PGM2L1: variants seen among roughly 807,000 people sequenced by gnomAD.
The protein encoded by PGM2L1 is glucose 1,6-bisphosphate synthase.
Under a neutral mutation model 73.4 loss-of-function variants are expected in PGM2L1, and 35 were observed. The ratio of observed to expected loss-of-function variants is 0.48; its 90% CI spans 0.36 to 0.63. The LOEUF is 0.63. PGM2L1 is among the 30% of genes least tolerant of loss of function. The pLI is 0.00. For missense variants in PGM2L1, 570 were observed against 742.0 expected (o/e 0.77, Z 2.69); for synonymous variants, 225 against 253.8 (o/e 0.89, Z 1.08).
At chr11:74,369,771 G>A (rs1335192139) in intron 4 of PGM2L1, among the ~76,000 whole-genome samples, 2 of 152,102 alleles carry the variant, frequency 1.3e-5, no homozygotes, top group Non-Finnish European at 2.9e-5. Context: ...TATTGACATG[G>A]AGTCTTGCTC....
At position 74,336,552 on chromosome 11, in the gene PGM2L1, A is replaced by C. The variant is rs192405699; in HGVS notation, c.*100T>G. The C allele has an allele frequency of 1.4e-3, 946 of 653,172 alleles. 9 individuals carry two copies. In the African/African-American group the frequency reaches 0.016, roughly 11 times the overall value. The allele number at this position is 653,172 out of a possible 1,614,324, so 40.5% of individuals were successfully genotyped here. A position where few individuals can be genotyped will look rare whatever the true frequency, so the allele number is the denominator to read the frequency against. On this transcript the variant is annotated 3_prime_UTR_variant, in exon 14 of 14. Transcript: ENST00000298198. ...TAAAAGGAAAAAGATACTCGGCCAG[A>C]TGAGATAGAGAGAGAATGCTAACAC... is the stretch of plus-strand genomic sequence containing the variant.
At position 74,342,586 on chromosome 11, in the gene PGM2L1, T is replaced by C. The variant is rs1037276072; in HGVS notation, c.1507A>G (p.Ile503Val). 1 of 1,606,394 alleles carries C rather than the reference T, an allele frequency of 6.2e-7. No individual in the cohort carries two copies. ...LCYEPPTIKS[I>V]FERLRNFDSP... ...TCAAAATTACGAAGCCTTTCAAATA[T>C]ACTTTTGATGGTAGGTGGTTCATAA... The change falls in exon 12 of 14, where the codon ATA becomes GTA. Residue 503 changes from isoleucine (I) to valine (V), a missense_variant. Physicochemically the swap from Ile to Val is conservative, Grantham distance 29 (BLOSUM62 3). Coordinates refer to ENST00000298198, the MANE Select transcript of PGM2L1 (RefSeq NM_173582.6).
intron 1 of PGM2L1, among the ~76,000 whole-genome samples, chr11:74,376,958 T>C (rs956342513): frequency 3.3e-5 from 5 of 152,182 alleles, no homozygotes; most frequent in African/African-American, 1.2e-4. Flanking sequence ...GTTGATGTTA[T>C]AAACTTTTAA....
rs1270276329 is a variant in PGM2L1, at chr11:74,347,199, T to G, written c.888A>C (p.Pro296=). 2.5e-6 allele frequency: 4 copies of G among 1,608,970 alleles called. No individual in the cohort carries two copies. The highest frequency in any genetic ancestry group is 2.5e-6 in the Non-Finnish European group (3 of 1,177,776). Residue 296 remains proline, a synonymous_variant, in exon 7 of 14, where the codon CCA becomes CCC. Transcript: ENST00000298198. ...TTGGACATTTAACGGTAGAAAAGTC[T>G]GGATCAGGATCTTTTTGTTCTGGTA... ...IPVPEQKDPD[P]DFSTVKCPNP...
chr11:74,338,457 T>C lies in PGM2L1; in HGVS notation c.1766+11A>G, dbSNP rs532851464. ...CTTTTGTATGTATATCTTAAAAAAA[T>C]CAATTCTTACCTCTGGTCAGGTGAC... is the stretch of plus-strand genomic sequence containing the variant. On this transcript the variant is annotated intron_variant, in intron 13 of 13. Coordinates refer to ENST00000298198, the MANE Select transcript of PGM2L1 (RefSeq NM_173582.6). 65 of 1,532,148 alleles carry C rather than the reference T, an allele frequency of 4.2e-5. No individual in the cohort carries two copies. The highest frequency in any genetic ancestry group is 2.7e-5 in the African/African-American group (2 of 73,644). 94.9% of individuals were successfully genotyped at this position (1,532,148 alleles called of 1,614,324 possible). A position where few individuals can be genotyped will look rare whatever the true frequency, so the allele number is the denominator to read the frequency against.
chr11:74,364,769 T>C (rs1203450426), intron 5 of PGM2L1, among the ~76,000 whole-genome samples: 25 of 152,230 alleles, frequency 1.6e-4, no homozygotes, highest in Non-Finnish European at 3.1e-4. Context: ...GAATCAATAT[T>C]GTGAAAATGG....
intron 13 of PGM2L1, among the ~76,000 whole-genome samples, chr11:74,337,974 C>T (rs561131048): frequency 2.6e-5 from 4 of 152,042 alleles, no homozygotes; most frequent in Non-Finnish European, 4.4e-5. Context: ...GTATTCAAAA[C>T]AGCCAAAGAG....
intron 5 of PGM2L1, among the ~76,000 whole-genome samples, chr11:74,358,954 G>C (rs371877195): frequency 6.6e-6 from 1 of 152,044 alleles, no homozygotes; most frequent in South Asian, 2.1e-4. Context: ...CTATAGATCA[G>C]CAGTGCCCAA....
rs779866073 is a variant in PGM2L1, at chr11:74,356,071, G to A, written c.556-4495C>T. ...TAAATGTCTTTTTTTTTTTTAATGTGCTGTGTAAAGTTAGTCTATGCTGAA... is the reference window on the plus strand; with the variant it reads ...TAAATGTCTTTTTTTTTTTTAATGTACTGTGTAAAGTTAGTCTATGCTGAA... On this transcript the variant is annotated intron_variant, in intron 5 of 13. Coordinates refer to ENST00000298198, the MANE Select transcript of PGM2L1 (RefSeq NM_173582.6). Among the ~76,000 whole-genome samples, 23 of 148,428 alleles carry A rather than the reference G, an allele frequency of 1.5e-4. 1 individual carries two copies. Among genetic ancestry groups the A allele is most frequent in the Non-Finnish European group, 3.0e-4 (20 of 67,452 alleles).
At chr11:74,380,464 T>C (rs189230840) in intron 1 of PGM2L1, among the ~76,000 whole-genome samples, 133 of 152,286 alleles carry the variant, frequency 8.7e-4, no homozygotes, top group African/African-American at 3.0e-3. Flanking sequence ...GATAAAAAAC[T>C]TGAATATAAA....
intron 5 of PGM2L1, chr11:74,354,733 C>A: frequency 9.5e-7 from 1 of 1,054,924 alleles, no homozygotes; most frequent in Non-Finnish European, 1.5e-6. Flanking sequence ...TTCTCAAACA[C>A]CAGGTGCCCA....
chr11:74,360,343 A>AC (rs1565439841), intron 5 of PGM2L1, among the ~76,000 whole-genome samples: 1 of 151,772 alleles, frequency 6.6e-6, no homozygotes, highest in African/African-American at 2.4e-5. Context: ...GAAAAAAAAA[A>AC]GGCAGGTAAG....
intron 11 of PGM2L1, 94 bp downstream of exon 11, chr11:74,342,791 G>A: frequency 7.1e-7 from 1 of 1,406,536 alleles, no homozygotes; most frequent in African/African-American, 1.4e-5. Flanking sequence ...TTTTAAAAAA[G>A]GATCAACTAT....
At chr11:74,359,250 A>G (rs1464165767) in intron 5 of PGM2L1, among the ~76,000 whole-genome samples, 3 of 152,000 alleles carry the variant, frequency 2.0e-5, no homozygotes, top group Admixed American at 6.6e-5. Context: ...AAACAGTGCC[A>G]CAATAAACAT....
chr11:74,357,102 G>T (rs566697629), intron 5 of PGM2L1, among the ~76,000 whole-genome samples: 312 of 152,252 alleles, frequency 2.0e-3, no homozygotes, highest in Non-Finnish European at 3.8e-3. Context: ...ACCCGCCTTG[G>T]TCTCCCAAAG....
rs757006692 is a variant in PGM2L1 at position 74,398,120 on chromosome 11, G to A, written c.42C>T (p.Leu14=). 6.2e-7 allele frequency: 1 copy of A among 1,613,330 alleles called. No individual in the cohort carries two copies. Among genetic ancestry groups the A allele is most frequent in the Non-Finnish European group, 8.5e-7 (1 of 1,179,546 alleles). ...GGTCCCCGGTGTGGTAGGGGGCGTG[G>A]AGCAGGTTGGAGTTCAGATCCCCCT... is the stretch of plus-strand genomic sequence containing the variant. ...NTEGDLNSNL[L]HAPYHTGDPQ... is the part of the protein sequence containing the mutation. The change falls in exon 1 of 14, where the codon CTC becomes CTT. Residue 14 remains leucine, a synonymous_variant. Coordinates refer to ENST00000298198, the MANE Select transcript of PGM2L1 (RefSeq NM_173582.6).
In PGM2L1 at chr11:74,347,278, T is replaced by G; in HGVS notation, c.809A>C (p.His270Pro). The G allele has an allele frequency of 6.2e-7, 1 of 1,611,842 alleles. No homozygotes were observed. Among genetic ancestry groups the G allele is most frequent in the Non-Finnish European group, 8.5e-7 (1 of 1,178,928 alleles). ...FVHTSFHGVG[H>P]DYVQLAFKVF... ...TTTAAAAGCCAACTGCACATAGTCA[T>G]GTCCGACCCCATGAAAAGATGTGTG... Residue 270 changes from histidine to proline, a missense_variant, in exon 7 of 14, where the codon CAT becomes CCT. Transcript: ENST00000298198.
At chr11:74,378,296 C>T (rs956045493) in intron 1 of PGM2L1, among the ~76,000 whole-genome samples, 6 of 151,044 alleles carry the variant, frequency 4.0e-5, no homozygotes, top group African/African-American at 7.3e-5. Flanking sequence ...AGTAAGACTC[C>T]GTCTCAATTA....
intron 5 of PGM2L1, among the ~76,000 whole-genome samples, chr11:74,360,822 T>C (rs1352904890): frequency 1.3e-5 from 2 of 152,124 alleles, no homozygotes; most frequent in South Asian, 2.1e-4. Context: ...CAGTCTGAGA[T>C]AGAACTGCAA....
Sources: allele counts gnomAD v4.1 joint callset (sites outside exome capture counted in the v4.1 genomes callset), GRCh38; gene constraint gnomAD v4.1.1; transcripts MANE v1.5; gene names NCBI Gene and HGNC (gene_info 2026-07-23, HGNC 2026-07-21).